CELA2A: variants seen among roughly 807,000 people sequenced by gnomAD.
The protein encoded by CELA2A is chymotrypsin-like elastase family member 2A.
Under a neutral mutation model 35.3 loss-of-function variants are expected in CELA2A, and 31 were observed. The ratio of observed to expected loss-of-function variants is 0.88; its 90% confidence interval spans 0.66 to 1.19. CELA2A has a LOEUF of 1.19. Ranked by LOEUF, CELA2A falls within the 50% of genes most tolerant of loss-of-function variation. The pLI, the probability that CELA2A is intolerant of heterozygous loss-of-function variation, is 0.00. For synonymous variants in CELA2A, 150 were observed against 149.8 expected (o/e 1.00, Z -0.01); for missense variants, 330 against 352.9 (o/e 0.94, Z 0.52).
At position 15,463,123 on chromosome 1, in the gene CELA2A, G is replaced by T. The variant is rs183628702; in HGVS notation, c.356+262G>T. ...TGCAGGGCCCCTGTCCGCTGAGCAT[G>T]TATCTACTTCATGCCAGGTCCTGGG... On this transcript the variant is annotated intron_variant, in intron 4 of 7. Coordinates refer to ENST00000359621, the MANE Select transcript of CELA2A (RefSeq NM_033440.3). The T allele has an allele frequency of 2.4e-4, 173 of 712,946 alleles. No homozygotes were observed. In the African/African-American group the frequency reaches 3.0e-3, roughly 12 times the overall value. 44.2% of individuals were successfully genotyped at this position (712,946 alleles called of 1,614,324 possible).
chr1:15,459,309 C>A (rs980653284), intron 2 of CELA2A, among the ~76,000 whole-genome samples: 44 of 150,698 alleles, frequency 2.9e-4, no homozygotes, highest in African/African-American at 1.0e-3. Flanking sequence ...ACCACAGGTG[C>A]ATGCCCCCAC....
At position 15,471,712 on chromosome 1, in the gene CELA2A, A is replaced by C. The variant is rs114787683; in HGVS notation, c.793-278A>C. Among the ~76,000 whole-genome samples the C allele has an allele frequency of 1.9e-3, 287 of 152,246 alleles. 1 individual carries two copies. Among genetic ancestry groups the C allele is most frequent in the African/African-American group, 4.6e-3 (191 of 41,554 alleles). On this transcript the variant is annotated intron_variant, in intron 7 of 7. Transcript: ENST00000359621. ...AAAAATATGCCATCCACACATTTGG[A>C]ATATAATTTTTAGGGGTTCGAAGGC...
intron 7 of CELA2A, among the ~76,000 whole-genome samples, chr1:15,471,591 C>T (rs938792390): frequency 3.3e-5 from 5 of 151,792 alleles, no homozygotes; most frequent in African/African-American, 1.2e-4. Flanking sequence ...GTTTAACAGA[C>T]ACTGATCAAC....
intron 2 of CELA2A, chr1:15,457,482 C>T (rs569593141): frequency 5.1e-5 from 14 of 272,658 alleles, no homozygotes; most frequent in South Asian, 3.8e-4. Context: ...TGGTGGCACA[C>T]GCCTGTAATC....
chr1:15,466,105 G>T lies in CELA2A; in HGVS notation c.600G>T (p.Met200Ile). 6.2e-7 allele frequency: 1 copy of T among 1,614,166 alleles called. No homozygotes were observed. Among genetic ancestry groups the T allele is most frequent in the African/African-American group, 1.3e-5 (1 of 75,054 alleles). Residue 200 changes from methionine (M) to isoleucine (I), a missense_variant, in exon 6 of 8, where the codon ATG (methionine) becomes ATT (isoleucine). Physicochemically the swap from Met to Ile is conservative, Grantham distance 10. Coordinates refer to ENST00000359621, the MANE Select transcript of CELA2A (RefSeq NM_033440.3). ...AWWGSSVKTS[M>I]ICAGGDGVIS... ...GGGGCAGCAGCGTGAAAACCAGTAT[G>T]ATCTGTGCTGGGGGTGATGGCGTGA... is the stretch of plus-strand genomic sequence containing the variant.
intron 6 of CELA2A, among the ~76,000 whole-genome samples, chr1:15,466,803 A>G (rs1557518881): frequency 6.6e-6 from 1 of 152,136 alleles, no homozygotes; most frequent in South Asian, 2.1e-4. Context: ...AGTCTCATCA[A>G]TGGCGCAGCG....
At chr1:15,467,245 C>A in intron 6 of CELA2A, 141 bp from the exon 7 acceptor site, 1 of 782,352 alleles carries the variant, frequency 1.3e-6, no homozygotes, top group Non-Finnish European at 2.1e-6. Flanking sequence ...AATTATGGTA[C>A]CACCTTGGGC....
rs148630095 is a variant in CELA2A at position 15,462,752 on chromosome 1, G to A, written c.247G>A (p.Val83Met). 1.2e-3 allele frequency: 1,958 copies of A among 1,614,030 alleles called. 1 individual carries two copies. Among genetic ancestry groups the A allele is most frequent in the Non-Finnish European group, 1.6e-3 (1,836 of 1,179,990 alleles). The change falls in exon 4 of 8, where the codon GTG becomes ATG. Residue 83 changes from valine (V) to methionine (M), a missense_variant. By Grantham distance (21) the Val-to-Met change is conservative. Coordinates refer to ENST00000359621, the MANE Select transcript of CELA2A (RefSeq NM_033440.3). Reference sequence around the variant, plus strand: ...TCCCAGCTCCTCCAGGACCTACCGCGTGGGGCTGGGCCGGCACAACCTCTA... The same window carrying A: ...TCCCAGCTCCTCCAGGACCTACCGCATGGGGCTGGGCCGGCACAACCTCTA... ...HCISSSRTYR[V>M]GLGRHNLYVA... is the part of the protein sequence containing the mutation.
At chr1:15,468,643 C>CA (rs1296893287) in intron 7 of CELA2A, among the ~76,000 whole-genome samples, 3 of 151,940 alleles carry the variant, frequency 2.0e-5, no homozygotes, top group South Asian at 2.1e-4. Flanking sequence ...TCTGTCTTTA[C>CA]AAAAAAATTT....
chr1:15,459,170 T>A (rs1462168718), intron 2 of CELA2A, among the ~76,000 whole-genome samples: 3 of 148,166 alleles, frequency 2.0e-5, no homozygotes, highest in Admixed American at 2.0e-4. Flanking sequence ...TAATTTTTTT[T>A]TTTTTTTGAG....
In CELA2A at chr1:15,466,066, C is replaced by T. The variant is rs746373595; in HGVS notation, c.561C>T (p.Ser187=). ...TGGTTGTGGACTATGCCACCTGCTC[C>T]AGCTCTGCCTGGTGGGGCAGCAGCG... ...RLLVVDYATC[S]SSAWWGSSVK... is the part of the protein sequence containing the mutation. Residue 187 remains serine, a synonymous_variant, in exon 6 of 8, where the codon TCC becomes TCT. Coordinates refer to ENST00000359621, the MANE Select transcript of CELA2A (RefSeq NM_033440.3). 4 of 1,614,168 alleles carry T rather than the reference C, an allele frequency of 2.5e-6. No individual in the cohort carries two copies. Among genetic ancestry groups the T allele is most frequent in the Admixed American group, 1.7e-5 (1 of 60,026 alleles).
rs183764713 is a variant in CELA2A at position 15,457,203 on chromosome 1, G to C, written c.129+29G>C. The C allele has an allele frequency of 4.4e-6, 7 of 1,603,028 alleles. No homozygotes were observed. The Admixed American group carries it at 8.3e-5, about 19-fold the overall frequency. On this transcript the variant is annotated intron_variant, in intron 2 of 7. Coordinates refer to ENST00000359621, the MANE Select transcript of CELA2A (RefSeq NM_033440.3). ...AGTTGACCACACTGTACTTCTCCCCGTCCCTGCCCCACTCCCTTTACATCT... is the reference window on the plus strand; with the variant it reads ...AGTTGACCACACTGTACTTCTCCCCCTCCCTGCCCCACTCCCTTTACATCT...
At chr1:15,466,588 CT>C (rs2103304844) in intron 6 of CELA2A, among the ~76,000 whole-genome samples, 1 of 151,882 alleles carries the variant, frequency 6.6e-6, no homozygotes, top group East Asian at 1.9e-4. Context: ...GATCTTGGTT[CT>C]TTTTTGTTCT....
At chr1:15,465,002 CCT>C (rs1491242631) in intron 5 of CELA2A, among the ~76,000 whole-genome samples, 1 of 136,368 alleles carries the variant, frequency 7.3e-6, no homozygotes, top group East Asian at 2.3e-4. Context: ...ACTTAACTTC[CCT>C]TTTTTTTTTT....
chr1:15,469,734 T>C (rs1708565740), intron 7 of CELA2A, among the ~76,000 whole-genome samples: 1 of 152,160 alleles, frequency 6.6e-6, no homozygotes, highest in African/African-American at 2.4e-5. Context: ...TATATCTAAA[T>C]TGGGAAAAAC....
At chr1:15,463,676 G>A (rs1455804917) in intron 5 of CELA2A, among the ~76,000 whole-genome samples, 154 bp downstream of exon 5, 4 of 152,134 alleles carry the variant, frequency 2.6e-5, no homozygotes, top group African/African-American at 9.7e-5. Flanking sequence ...GGGATCAAAT[G>A]TCAGCTCTCC....
intron 6 of CELA2A, 91 bp downstream of exon 6, chr1:15,466,235 C>A: frequency 1.4e-6 from 2 of 1,413,620 alleles, no homozygotes; most frequent in Non-Finnish European, 2.0e-6. Context: ...TCCATCCTCC[C>A]ACCTCCTGGC....
At position 15,462,847 on chromosome 1, in the gene CELA2A, C is replaced by A. The variant is rs1708455331; in HGVS notation, c.342C>A (p.Asn114Lys). ...TGGTGCACAAGGACTGGAACTCCAACCAAATCTCCAAAGGGTTCGTTTCTG... is the reference window on the plus strand; with the variant it reads ...TGGTGCACAAGGACTGGAACTCCAAACAAATCTCCAAAGGGTTCGTTTCTG... ...KIVVHKDWNS[N>K]QISKGNDIAL... Residue 114 changes from asparagine to lysine, a missense_variant, in exon 4 of 8, where the codon AAC (asparagine) becomes AAA (lysine). Physicochemically the swap from Asn to Lys is moderately conservative, Grantham distance 94. Coordinates refer to ENST00000359621, the MANE Select transcript of CELA2A (RefSeq NM_033440.3). The A allele has an allele frequency of 1.2e-6, 2 of 1,614,116 alleles. No homozygotes were observed. The highest frequency in any genetic ancestry group is 1.3e-5 in the African/African-American group (1 of 75,050).
At chr1:15,463,035 T>C (rs1708460890) in intron 4 of CELA2A, 174 bp downstream of exon 4, 4 of 1,080,656 alleles carry the variant, frequency 3.7e-6, no homozygotes, top group Non-Finnish European at 5.4e-6. Flanking sequence ...GGGGTGGGGA[T>C]GTGACCTGGG....
Sources: allele counts gnomAD v4.1 joint callset (sites outside exome capture counted in the v4.1 genomes callset), GRCh38; gene constraint gnomAD v4.1.1; transcripts MANE v1.5; gene names NCBI Gene and HGNC (gene_info 2026-07-23, HGNC 2026-07-21).